PTPRT: variants seen among roughly 807,000 people sequenced by gnomAD.
PTPRT encodes the protein receptor-type tyrosine-protein phosphatase T.
PTPRT carries 56 observed loss-of-function variants against 176.8 expected under a neutral mutation model. That is an observed-to-expected ratio of 0.32 (90% CI 0.26 to 0.40). PTPRT has a LOEUF of 0.40. Among genes scored for constraint, PTPRT ranks in the 10% least tolerant of loss-of-function variants. The probability of loss-of-function intolerance (pLI) is 1.00; values close to 1 mark genes in which losing one functional copy is unlikely to be tolerated. For synonymous variants in PTPRT, 783 were observed against 739.0 expected (o/e 1.06, Z -0.96); for missense variants, 1,540 against 1,908.2 (o/e 0.81, Z 3.60).
Position 42,104,672 on chromosome 20 carries a change from C to T in PTPRT, c.3437G>A (p.Cys1146Tyr), listed in dbSNP as rs767659521. ...VHDAILEACLCGNTAIPVCEF... is the reference protein window; with the variant it reads ...VHDAILEACLYGNTAIPVCEF... Reference sequence around the variant, plus strand: ...ACACACAGGGATGGCAGTGTTGCCACAGAGGCACGCTTCCAGGATGGCATC... The same window carrying T: ...ACACACAGGGATGGCAGTGTTGCCATAGAGGCACGCTTCCAGGATGGCATC... Residue 1146 changes from cysteine to tyrosine, a missense_variant, in exon 25 of 31, where the codon TGT becomes TAT. By Grantham distance (194) the Cys-to-Tyr change is radical. Transcript: ENST00000373187. The T allele has an allele frequency of 1.1e-5, 17 of 1,591,524 alleles. No individual in the cohort carries two copies. The South Asian group carries it at 1.8e-4, about 17-fold the overall frequency.
chr20:42,397,767 T>A (rs779858080), intron 9 of PTPRT, among the ~76,000 whole-genome samples: 6 of 152,208 alleles, frequency 3.9e-5, no homozygotes, highest in Non-Finnish European at 7.3e-5. Flanking sequence ...ACAGGTGTCT[T>A]TTTGGCAGAA....
Position 42,210,051 on chromosome 20 carries a change from T to C in PTPRT, c.2343-10663A>G, listed in dbSNP as rs930866711. Among the ~76,000 whole-genome samples the C allele has an allele frequency of 6.7e-4, 102 of 152,280 alleles. 1 individual carries two copies. The highest frequency in any genetic ancestry group is 2.2e-3 in the African/African-American group (91 of 41,548). On this transcript the variant is annotated intron_variant, in intron 15 of 30. Transcript: ENST00000373187. ...AACAGAGCCAAAGACAAAAACCACATGATTATTTCAATAGATGCAGAAAAA... is the reference window on the plus strand; with the variant it reads ...AACAGAGCCAAAGACAAAAACCACACGATTATTTCAATAGATGCAGAAAAA...
At chr20:43,110,757 G>A (rs1394118707) in intron 1 of PTPRT, among the ~76,000 whole-genome samples, 1 of 152,168 alleles carries the variant, frequency 6.6e-6, no homozygotes, top group Non-Finnish European at 1.5e-5. Flanking sequence ...CACTCGGGGT[G>A]AGAAGTGAGG....
the PTPRT span, among the ~76,000 whole-genome samples, chr20:42,036,960 A>T: frequency 2.0e-5 from 3 of 152,320 alleles, no homozygotes; most frequent in African/African-American, 4.8e-5. Flanking sequence ...TGTAGTTAAG[A>T]ATCACCAAAC....
chr20:42,720,895 T>C (rs1316836345), intron 6 of PTPRT, among the ~76,000 whole-genome samples: 1 of 152,144 alleles, frequency 6.6e-6, no homozygotes, highest in African/African-American at 2.4e-5. Flanking sequence ...CTTAGGAAGC[T>C]CGAGAGACCT....
chr20:42,129,308 G>A (rs182321704), intron 18 of PTPRT, among the ~76,000 whole-genome samples: 1 of 152,242 alleles, frequency 6.6e-6, no homozygotes, highest in Non-Finnish European at 1.5e-5. Context: ...TAGATTGTCA[G>A]CCATATATTG....
chr20:42,065,818 T>C, the PTPRT span, among the ~76,000 whole-genome samples: 3 of 152,216 alleles, frequency 2.0e-5, no homozygotes, highest in Admixed American at 1.3e-4. Context: ...ACTCTAGTAA[T>C]ATCTACCACT....
At chr20:42,591,036 C>A (rs1367136066) in intron 7 of PTPRT, among the ~76,000 whole-genome samples, 1 of 143,034 alleles carries the variant, frequency 7.0e-6, no homozygotes. Flanking sequence ...CTATATACAC[C>A]AAGATAATAT....
the PTPRT span, among the ~76,000 whole-genome samples, chr20:42,032,611 C>T: frequency 4.6e-5 from 7 of 152,332 alleles, no homozygotes; most frequent in South Asian, 1.0e-3. Flanking sequence ...CTAGTAGGTA[C>T]ACCTTTGTGT....
intron 7 of PTPRT, among the ~76,000 whole-genome samples, chr20:42,475,269 G>T (rs1445562057): frequency 6.6e-6 from 1 of 152,144 alleles, no homozygotes; most frequent in Non-Finnish European, 1.5e-5. Flanking sequence ...AAGGCCAGCA[G>T]GTGACAAAGT....
At position 42,491,411 on chromosome 20, in the gene PTPRT, A is replaced by G. The variant is rs2071559670; in HGVS notation, c.1154-18849T>C. Among the ~76,000 whole-genome samples the G allele has an allele frequency of 2.0e-5, 3 of 152,254 alleles. No homozygotes were observed. In the South Asian group the frequency reaches 6.2e-4, roughly 32 times the overall value. ...CATTTTTAAAAGTTATGAATTGTTTATTTCTGGAATTTTCCATGTACTATC... is the reference window on the plus strand; with the variant it reads ...CATTTTTAAAAGTTATGAATTGTTTGTTTCTGGAATTTTCCATGTACTATC... On this transcript the variant is annotated intron_variant, in intron 7 of 30. Coordinates refer to ENST00000373187, the MANE Select transcript of PTPRT (RefSeq NM_007050.6).
At chr20:42,044,813 G>A in the PTPRT span, among the ~76,000 whole-genome samples, 1 of 152,290 alleles carries the variant, frequency 6.6e-6, no homozygotes, top group East Asian at 1.9e-4. Context: ...AATTCTGGAG[G>A]TCAGAGATCT....
intron 5 of PTPRT, among the ~76,000 whole-genome samples, chr20:42,771,193 A>C (rs1200432093): frequency 6.6e-6 from 1 of 152,142 alleles, no homozygotes; most frequent in African/African-American, 2.4e-5. Context: ...TGACCCCAGG[A>C]AACTCCTCAC....
At chr20:42,714,927 A>G (rs1813258722) in intron 6 of PTPRT, among the ~76,000 whole-genome samples, 2 of 152,218 alleles carry the variant, frequency 1.3e-5, no homozygotes, top group South Asian at 4.1e-4. Context: ...GGTCTAGAAA[A>G]GAGTGGTTGA....
At chr20:42,339,892 C>T (rs1406906440) in intron 11 of PTPRT, among the ~76,000 whole-genome samples, 2 of 152,180 alleles carry the variant, frequency 1.3e-5, no homozygotes, top group African/African-American at 4.8e-5. Context: ...ACGCTGTTTT[C>T]AGGACCTATA....
At chr20:42,571,185 A>T (rs1013919450) in intron 7 of PTPRT, among the ~76,000 whole-genome samples, 3 of 152,260 alleles carry the variant, frequency 2.0e-5, no homozygotes, top group Non-Finnish European at 2.9e-5. Context: ...AAAAGCATGA[A>T]CAATGATGAA....
At chr20:42,407,256 G>A (rs769465934) in intron 9 of PTPRT, among the ~76,000 whole-genome samples, 1 of 152,184 alleles carries the variant, frequency 6.6e-6, no homozygotes, top group Non-Finnish European at 1.5e-5. Context: ...CACGGGGGAA[G>A]AGTCTGTAAG....
intron 7 of PTPRT, among the ~76,000 whole-genome samples, chr20:42,520,378 C>T (rs2072149479): frequency 6.6e-6 from 1 of 152,138 alleles, no homozygotes; most frequent in South Asian, 2.1e-4. Flanking sequence ...CCCTTTTCGG[C>T]CCCTCAAAGT....
chr20:42,137,324 G>T (rs550011586), intron 18 of PTPRT, among the ~76,000 whole-genome samples: 3 of 152,250 alleles, frequency 2.0e-5, no homozygotes, highest in Admixed American at 2.0e-4. Context: ...TGTGAAAAAA[G>T]TCCTCTGGGT....
Sources: gnomAD v4.1 joint callset for allele counts (sites outside exome capture counted in the v4.1 genomes callset) on GRCh38, gnomAD v4.1.1 for gene constraint, MANE v1.5 for transcripts, NCBI Gene and HGNC (gene_info 2026-07-23, HGNC 2026-07-21) for gene names.